CALN1: variants seen among roughly 807,000 people sequenced by gnomAD.
The protein encoded by CALN1 is calcium-binding protein 8.
A neutral mutation model predicts 30.6 loss-of-function variants in CALN1; 17 were observed. The observed-to-expected ratio is 0.56, with a 90% confidence interval of 0.38 to 0.83. The LOEUF (loss-of-function observed/expected upper bound fraction) is 0.83, where lower values mean the gene tolerates loss of function less well. Ranked by LOEUF, CALN1 falls within the 40% of genes least tolerant of loss-of-function variation. CALN1 has a pLI of 0.00. For synonymous variants in CALN1, 156 were observed against 131.4 expected (o/e 1.19, Z -1.28); for missense variants, 291 against 354.9 (o/e 0.82, Z 1.45).
intron 5 of CALN1, among the ~76,000 whole-genome samples, chr7:71,930,548 A>T (rs1210888743): frequency 6.6e-6 from 1 of 152,132 alleles, no homozygotes; most frequent in East Asian, 1.9e-4. Context: ...TGTCTTTTTA[A>T]ATTTTTAATA....
chr7:72,406,125 C>CA (rs1766881091), intron 1 of CALN1, among the ~76,000 whole-genome samples: 1 of 152,170 alleles, frequency 6.6e-6, no homozygotes, highest in South Asian at 2.1e-4. Flanking sequence ...CCAGGGGACC[C>CA]AAAATGGAGC....
intron 4 of CALN1, among the ~76,000 whole-genome samples, chr7:72,098,209 CAGGAA>C (rs959903343): frequency 1.3e-5 from 2 of 152,084 alleles, no homozygotes; most frequent in African/African-American, 4.8e-5. Context: ...AAAAGGCATC[CAGGAA>C]AGGTGAATCT....
chr7:72,037,572 TCA>T (rs1173348556), intron 4 of CALN1, among the ~76,000 whole-genome samples: 1 of 152,200 alleles, frequency 6.6e-6, no homozygotes, highest in Non-Finnish European at 1.5e-5. Flanking sequence ...TCATCAAGGT[TCA>T]GAGGAAGGAA....
chr7:72,037,212 G>A (rs928854009), intron 4 of CALN1, among the ~76,000 whole-genome samples: 20 of 151,912 alleles, frequency 1.3e-4, no homozygotes, highest in Non-Finnish European at 2.4e-4. Context: ...GTGCAATGGC[G>A]CAATCTCGGC....
chr7:72,356,840 A>G (rs1224678689), intron 2 of CALN1, among the ~76,000 whole-genome samples: 1 of 152,038 alleles, frequency 6.6e-6, no homozygotes, highest in Non-Finnish European at 1.5e-5. Context: ...GGGCATGTTG[A>G]AACGGATCTG....
intron 1 of CALN1, among the ~76,000 whole-genome samples, chr7:72,436,918 A>C (rs1808178684): frequency 6.6e-6 from 1 of 152,048 alleles, no homozygotes; most frequent in Non-Finnish European, 1.5e-5. Flanking sequence ...AGAAAATAAA[A>C]AATTAGCCAA....
At chr7:71,868,411 A>G (rs1188186449) in intron 5 of CALN1, among the ~76,000 whole-genome samples, 2 of 143,744 alleles carry the variant, frequency 1.4e-5, no homozygotes, top group Non-Finnish European at 3.0e-5. Flanking sequence ...TTGCTCTGTC[A>G]CCCAGGCTGG....
intron 2 of CALN1, among the ~76,000 whole-genome samples, chr7:72,312,912 G>A (rs1800150570): frequency 6.6e-6 from 1 of 151,698 alleles, no homozygotes; most frequent in Non-Finnish European, 1.5e-5. Flanking sequence ...TCGGCTCACT[G>A]CAACCTCCAC....
At chr7:71,998,553 A>C (rs1040112853) in intron 5 of CALN1, among the ~76,000 whole-genome samples, 6 of 151,822 alleles carry the variant, frequency 4.0e-5, no homozygotes, top group African/African-American at 1.5e-4. Context: ...AACCACTACA[A>C]AAACTATACG....
At chr7:72,449,611 G>A (rs547808895), upstream of CALN1, among the ~76,000 whole-genome samples, 2 of 152,308 alleles carry the variant, frequency 1.3e-5, no homozygotes, top group South Asian at 2.1e-4. Flanking sequence ...GGTGGCTCAT[G>A]CCTGTAATCC....
chr7:72,399,568 C>T (rs1422230466), intron 2 of CALN1, among the ~76,000 whole-genome samples: 3 of 152,172 alleles, frequency 2.0e-5, no homozygotes, highest in African/African-American at 7.2e-5. Context: ...CGTGCCTGAC[C>T]TAACCTATTG....
chr7:72,168,960 C>G (rs896262811), intron 3 of CALN1, among the ~76,000 whole-genome samples: 1 of 151,918 alleles, frequency 6.6e-6, no homozygotes. Flanking sequence ...TGCCCCCCAA[C>G]ACGCTCAGCT....
At chr7:72,387,667 T>C (rs886099219) in intron 2 of CALN1, among the ~76,000 whole-genome samples, 1 of 152,138 alleles carries the variant, frequency 6.6e-6, no homozygotes, top group African/African-American at 2.4e-5. Flanking sequence ...CAGTCTACAA[T>C]ATACATACCC....
intron 2 of CALN1, among the ~76,000 whole-genome samples, chr7:72,279,330 G>A (rs945982648): frequency 3.9e-5 from 6 of 152,172 alleles, no homozygotes; most frequent in Non-Finnish European, 8.8e-5. Flanking sequence ...CAAGCTCTAA[G>A]TAAGTACATG....
intron 2 of CALN1, among the ~76,000 whole-genome samples, chr7:72,375,058 T>C (rs1474441845): frequency 6.6e-6 from 1 of 152,176 alleles, no homozygotes; most frequent in Non-Finnish European, 1.5e-5. Context: ...GAAAAAAAGA[T>C]TGTCTTTATT....
chr7:72,313,667 G>T (rs763181081), intron 2 of CALN1, among the ~76,000 whole-genome samples: 2 of 152,096 alleles, frequency 1.3e-5, no homozygotes, highest in East Asian at 3.9e-4. Flanking sequence ...AAAGTGCTGG[G>T]ATTACAGGCA....
intron 3 of CALN1, among the ~76,000 whole-genome samples, chr7:72,127,576 A>G (rs1473112853): frequency 6.6e-6 from 1 of 152,116 alleles, no homozygotes; most frequent in Non-Finnish European, 1.5e-5. Context: ...CAACGTATAT[A>G]TGGGTTTTAA....
At chr7:71,968,476 G>A (rs1055339770) in intron 5 of CALN1, among the ~76,000 whole-genome samples, 8 of 151,986 alleles carry the variant, frequency 5.3e-5, no homozygotes, top group Non-Finnish European at 1.0e-4. Flanking sequence ...TGTCTCCCAG[G>A]CTGGAGTGCA....
intron 5 of CALN1, among the ~76,000 whole-genome samples, chr7:71,988,693 T>C (rs1469094880): frequency 2.6e-5 from 4 of 152,102 alleles, no homozygotes; most frequent in Non-Finnish European, 5.9e-5. Context: ...GCTATGAGAA[T>C]GAGATCCAGG....
Sources: allele counts gnomAD v4.1 joint callset (sites outside exome capture counted in the v4.1 genomes callset), GRCh38; gene constraint gnomAD v4.1.1; transcripts MANE v1.5; gene names NCBI Gene and HGNC (gene_info 2026-07-23, HGNC 2026-07-21).